The following IL6ST variants were observed in gnomAD, a reference collection of about 807,000 sequenced individuals.
The protein encoded by IL6ST is interleukin 6 cytokine family signal transducer.
Under a neutral mutation model 91.3 loss-of-function variants are expected in IL6ST, and 24 were observed. The observed-to-expected ratio is 0.26, with a 90% CI of 0.19 to 0.37. The LOEUF is 0.37. Among genes scored for constraint, IL6ST ranks in the 10% least tolerant of loss-of-function variants. IL6ST has a pLI of 1.00. For missense variants in IL6ST, 914 were observed against 1,078.5 expected (o/e 0.85, Z 2.14); for synonymous variants, 351 against 373.6 (o/e 0.94, Z 0.70).
At chr5:55,985,924 G>A (rs1254608965) in intron 1 of IL6ST, among the ~76,000 whole-genome samples, 1 of 152,154 alleles carries the variant, frequency 6.6e-6, no homozygotes, top group Non-Finnish European at 1.5e-5. Flanking sequence ...ACAAACAGGG[G>A]TGGCTGTGTT....
At chr5:55,953,613 C>T (rs550750734) in intron 11 of IL6ST, among the ~76,000 whole-genome samples, 1 of 152,296 alleles carries the variant, frequency 6.6e-6, no homozygotes, top group East Asian at 1.9e-4. Context: ...CTCGAACTCC[C>T]GACCTCAGGT....
rs1561149630 is a variant in IL6ST at position 55,941,066 on chromosome 5, A to AG, written c.*15dup. 1 of 1,579,090 alleles carries AG rather than the reference A, an allele frequency of 6.3e-7. No homozygotes were observed. The highest frequency in any genetic ancestry group is 8.6e-7 in the Non-Finnish European group (1 of 1,163,214). On this transcript the variant is annotated 3_prime_UTR_variant, in exon 17 of 17. Transcript: ENST00000381298. ...TTATAGGTACTGCTGAAGTTGTAGC[A>AG]GGAACTACTAGTCCTTCACTGAGGC...
At chr5:55,953,447 T>C (rs1272673344) in intron 11 of IL6ST, among the ~76,000 whole-genome samples, 1 of 152,192 alleles carries the variant, frequency 6.6e-6, no homozygotes, top group Non-Finnish European at 1.5e-5. Flanking sequence ...TGGAGTGCAA[T>C]GGCATGATCT....
Position 55,941,398 on chromosome 5 carries a change from T to G in IL6ST, c.2441A>C (p.Tyr814Ser). The change falls in exon 17 of 17, where the codon TAC (tyrosine) becomes TCC (serine). Residue 814 changes from tyrosine (Y) to serine (S), a missense_variant. By Grantham distance (144) the Tyr-to-Ser change is moderately radical. Transcript: ENST00000381298. ...GGDGILPRQQ[Y>S]FKQNCSQHES... Reference sequence around the variant, plus strand: ...ATGCTGACTGCAGTTCTGTTTGAAGTACTGTTGCCTGGGCAAAATACCATC... The same window carrying G: ...ATGCTGACTGCAGTTCTGTTTGAAGGACTGTTGCCTGGGCAAAATACCATC... The G allele has an allele frequency of 6.2e-7, 1 of 1,614,172 alleles. No individual in the cohort carries two copies. The highest frequency in any genetic ancestry group is 8.5e-7 in the Non-Finnish European group (1 of 1,179,988).
chr5:55,973,615 A>G (rs959894551), intron 3 of IL6ST, among the ~76,000 whole-genome samples: 1 of 152,234 alleles, frequency 6.6e-6, no homozygotes, highest in African/African-American at 2.4e-5. Flanking sequence ...TCCAGCCCCC[A>G]GTCTGAATAT....
intron 8 of IL6ST, among the ~76,000 whole-genome samples, chr5:55,960,169 C>A (rs1292942240): frequency 6.6e-6 from 1 of 152,148 alleles, no homozygotes; most frequent in Non-Finnish European, 1.5e-5. Context: ...CAGGTGTGAG[C>A]CACCGCATCT....
Position 55,968,339 on chromosome 5 carries a change from C to T in IL6ST, c.428G>A (p.Arg143Lys). The change falls in exon 5 of 17, where the codon AGG becomes AAG. Residue 143 changes from arginine (R) to lysine (K), a missense_variant. Transcript: ENST00000381298. Reference protein sequence around the residue: ...SCIVNEGKKMRCEWDGGRETH... With the variant: ...SCIVNEGKKMKCEWDGGRETH... ...TTCCCTTCCACCATCCCACTCACAC[C>T]TCATTTTCTTCCCCTCGTTCACAAT... 1 of 1,609,918 alleles carries T rather than the reference C, an allele frequency of 6.2e-7. No individual in the cohort carries two copies. The highest frequency in any genetic ancestry group is 1.1e-5 in the South Asian group (1 of 90,050).
rs200601494 is a variant in IL6ST, at chr5:55,963,499, G to A, written c.666C>T (p.Pro222=). ...TCACTGATAAATTATGTGGCGGATT[G>A]GGCTTCACTGAAAAATAAAATAAAT... ...INFDPVYKVK[P]NPPHNLSVIN... The change falls in exon 7 of 17, where the codon CCC becomes CCT. Residue 222 remains proline (P), a synonymous_variant. Coordinates refer to ENST00000381298, the MANE Select transcript of IL6ST (RefSeq NM_002184.4). 9 of 1,602,306 alleles carry A rather than the reference G, an allele frequency of 5.6e-6. No homozygotes were observed. In the Admixed American group the frequency reaches 1.4e-4, roughly 25 times the overall value.
chr5:55,955,426 G>A (rs189649158), intron 10 of IL6ST, among the ~76,000 whole-genome samples: 34 of 152,060 alleles, frequency 2.2e-4, no homozygotes, highest in African/African-American at 6.3e-4. Flanking sequence ...CAGCCTAGGC[G>A]ACAGAGCAAG....
At chr5:55,982,886 A>T (rs1038258986) in intron 1 of IL6ST, 75 bp from the exon 2 acceptor site, 7 of 395,798 alleles carry the variant, frequency 1.8e-5, no homozygotes, top group African/African-American at 1.2e-4. Context: ...AAAAATCCCC[A>T]TCTGCTCTTA....
chr5:55,935,883 T>C lies in IL6ST; in HGVS notation c.*5199A>G. On this transcript the variant is annotated 3_prime_UTR_variant, in exon 17 of 17. Coordinates refer to ENST00000381298, the MANE Select transcript of IL6ST (RefSeq NM_002184.4). ...TAATCTTTTCCAAAGCAGGATGGACTGTATCTATCATACACATTAGGATAA... is the reference window on the plus strand; with the variant it reads ...TAATCTTTTCCAAAGCAGGATGGACCGTATCTATCATACACATTAGGATAA... 1 of 218,842 alleles carries C rather than the reference T, an allele frequency of 4.6e-6. No homozygotes were observed. The highest frequency in any genetic ancestry group is 9.2e-6 in the Non-Finnish European group (1 of 109,000). The allele number at this position is 218,842 out of a possible 1,614,324, so 13.6% of individuals were successfully genotyped here. A position where few individuals can be genotyped will look rare whatever the true frequency, so the allele number is the denominator to read the frequency against.
chr5:55,969,674 T>C lies in IL6ST; in HGVS notation c.246A>G (p.Ile82Met). 2 of 1,612,496 alleles carry C rather than the reference T, an allele frequency of 1.2e-6. No homozygotes were observed. The highest frequency in any genetic ancestry group is 1.7e-6 in the Non-Finnish European group (2 of 1,178,588). ...AGGTGACACTGGATGCTGTTCTGTT[T>C]ATGATAGTATATTGCTCCTTAGGAA... ...FTIPKEQYTI[I>M]NRTASSVTFT... The change falls in exon 4 of 17, where the codon ATA becomes ATG. Residue 82 changes from isoleucine to methionine, a missense_variant. Ile to Met is a conservative substitution (Grantham distance 10, BLOSUM62 1). Coordinates refer to ENST00000381298, the MANE Select transcript of IL6ST (RefSeq NM_002184.4).
At chr5:55,981,987 T>C (rs1753701935) in intron 2 of IL6ST, among the ~76,000 whole-genome samples, 1 of 152,202 alleles carries the variant, frequency 6.6e-6, no homozygotes, top group Non-Finnish European at 1.5e-5. Context: ...TAACAAGTAT[T>C]GCTACTTTTA....
At chr5:55,990,989 GT>G (rs1048736909) in intron 1 of IL6ST, among the ~76,000 whole-genome samples, 22 of 151,100 alleles carry the variant, frequency 1.5e-4, no homozygotes, top group South Asian at 4.2e-4. Flanking sequence ...AACATGCGGT[GT>G]TTGGTTTTCT....
chr5:55,974,055 G>C (rs1040848386), intron 3 of IL6ST, among the ~76,000 whole-genome samples: 2 of 152,134 alleles, frequency 1.3e-5, no homozygotes, highest in African/African-American at 4.8e-5. Context: ...AACCACCTGA[G>C]AATTTTCACT....
Position 55,940,960 on chromosome 5 carries a change from C to T in IL6ST, c.*122G>A, listed in dbSNP as rs917008178. Reference sequence around the variant, plus strand: ...ATGTGAAACTTCAGTTCATTTTTGTCCTTAAGGGCAAATGATCATCTTCAG... The same window carrying T: ...ATGTGAAACTTCAGTTCATTTTTGTTCTTAAGGGCAAATGATCATCTTCAG... On this transcript the variant is annotated 3_prime_UTR_variant, in exon 17 of 17. Transcript: ENST00000381298. The T allele has an allele frequency of 5.7e-5, 55 of 964,004 alleles. 1 individual carries two copies. Among genetic ancestry groups the T allele is most frequent in the Non-Finnish European group, 2.2e-5 (14 of 645,922 alleles). The allele number at this position is 964,004 out of a possible 1,614,324, so 59.7% of individuals were successfully genotyped here.
rs1349964402 is a variant in IL6ST at position 55,938,512 on chromosome 5, A to G, written c.*2570T>C. On this transcript the variant is annotated 3_prime_UTR_variant, in exon 17 of 17. Coordinates refer to ENST00000381298, the MANE Select transcript of IL6ST (RefSeq NM_002184.4). ...TTATTTTATAACCCTAAAGGGAGCAACTGCAGGTGCAGAAGCAGTGAGTGA... is the reference window on the plus strand; with the variant it reads ...TTATTTTATAACCCTAAAGGGAGCAGCTGCAGGTGCAGAAGCAGTGAGTGA... The G allele has an allele frequency of 1.0e-5, 2 of 199,004 alleles. No homozygotes were observed. Among genetic ancestry groups the G allele is most frequent in the African/African-American group, 4.6e-5 (2 of 43,442 alleles). 12.3% of individuals were successfully genotyped at this position (199,004 alleles called of 1,614,324 possible).
At chr5:55,957,181 G>C (rs559941025) in intron 9 of IL6ST, 28 bp downstream of exon 9, 34 of 1,061,918 alleles carry the variant, frequency 3.2e-5, no homozygotes, top group Non-Finnish European at 4.6e-5. Flanking sequence ...AGATTTATAA[G>C]AGATAAAATA....
At chr5:55,976,094 C>T (rs938160403) in intron 3 of IL6ST, 121 bp downstream of exon 3, 10 of 439,164 alleles carry the variant, frequency 2.3e-5, no homozygotes, top group East Asian at 4.1e-5. Flanking sequence ...ATTATTCTCT[C>T]GATTATCCTA....
Sources: allele counts gnomAD v4.1 joint callset (sites outside exome capture counted in the v4.1 genomes callset), GRCh38; gene constraint gnomAD v4.1.1; transcripts MANE v1.5; gene names NCBI Gene and HGNC (gene_info 2026-07-23, HGNC 2026-07-21).